HPSE2: variants seen among roughly 807,000 people sequenced by gnomAD.
HPSE2 encodes inactive heparanase-2.
HPSE2 carries 38 observed loss-of-function variants against 60.5 expected under a neutral mutation model. The ratio of observed to expected loss-of-function variants is 0.63; its 90% CI spans 0.48 to 0.82. The LOEUF is 0.82. Ranked by LOEUF, HPSE2 falls within the 40% of genes least tolerant of loss-of-function variation. The probability of loss-of-function intolerance (pLI) is 0.00; values close to 1 mark genes in which losing one functional copy is unlikely to be tolerated. For synonymous variants in HPSE2, 295 were observed against 293.2 expected (o/e 1.01, Z -0.06); for missense variants, 713 against 740.4 (o/e 0.96, Z 0.43).
intron 3 of HPSE2, among the ~76,000 whole-genome samples, chr10:99,018,281 T>C (rs1243872682): frequency 3.3e-5 from 5 of 152,232 alleles, no homozygotes; most frequent in Non-Finnish European, 7.3e-5. Flanking sequence ...AATCTAGACT[T>C]ACTAGGCCTA....
At chr10:99,230,526 G>A (rs1280206104) in intron 2 of HPSE2, among the ~76,000 whole-genome samples, 1 of 151,870 alleles carries the variant, frequency 6.6e-6, no homozygotes, top group Non-Finnish European at 1.5e-5. Context: ...GATCTTTTCC[G>A]TTTATGTTTT....
intron 3 of HPSE2, among the ~76,000 whole-genome samples, chr10:99,081,344 AAT>A (rs753571140): frequency 3.3e-5 from 5 of 152,194 alleles, no homozygotes; most frequent in African/African-American, 4.8e-5. Flanking sequence ...TCTCCCATGT[AAT>A]GTTTCAATCA....
At chr10:99,061,974 G>A (rs1842458204) in intron 3 of HPSE2, among the ~76,000 whole-genome samples, 1 of 152,176 alleles carries the variant, frequency 6.6e-6, no homozygotes, top group Non-Finnish European at 1.5e-5. Flanking sequence ...GTGGTGGTGA[G>A]GAGAGCAGAG....
chr10:98,614,331 C>T (rs1278033760), intron 9 of HPSE2, among the ~76,000 whole-genome samples: 2 of 147,602 alleles, frequency 1.4e-5, no homozygotes, highest in East Asian at 2.0e-4. Context: ...CTCGCTCAGT[C>T]GCCCAGGCTG....
chr10:99,258,390 A>AATATATATATAT, the HPSE2 span, among the ~76,000 whole-genome samples: 13 of 147,666 alleles, frequency 8.8e-5, no homozygotes, highest in Non-Finnish European at 1.5e-4. Context: ...TAAATGGAGT[A>AATATATATATAT]ATATATATAT....
At chr10:98,865,808 G>A (rs542290464) in intron 3 of HPSE2, among the ~76,000 whole-genome samples, 14 of 152,034 alleles carry the variant, frequency 9.2e-5, no homozygotes, top group Non-Finnish European at 1.8e-4. Context: ...GGCATTAGAC[G>A]GAGTACTCAG....
At chr10:99,259,308 C>CA in the HPSE2 span, among the ~76,000 whole-genome samples, 66,625 of 134,064 alleles carry the variant, frequency 0.5, 18,867 homozygotes, top group Non-Finnish European at 0.64. Flanking sequence ...CCCCCCCCAC[C>CA]AAAAAAAAAA....
At chr10:98,476,859 G>T (rs1941044704) in intron 11 of HPSE2, among the ~76,000 whole-genome samples, 1 of 152,172 alleles carries the variant, frequency 6.6e-6, no homozygotes, top group African/African-American at 2.4e-5. Context: ...GTGTGAATTA[G>T]CCTGAAGGAG....
chr10:99,212,672 A>T (rs969964124), intron 2 of HPSE2, among the ~76,000 whole-genome samples: 2 of 152,168 alleles, frequency 1.3e-5, no homozygotes, highest in African/African-American at 4.8e-5. Flanking sequence ...TGCTCAAAGG[A>T]TATAAAATTT....
chr10:99,094,530 A>G (rs1843636078), intron 3 of HPSE2, among the ~76,000 whole-genome samples: 1 of 16,812 alleles, frequency 5.9e-5, no homozygotes, highest in African/African-American at 1.5e-4. Flanking sequence ...ATATATATAT[A>G]TATATATATA....
chr10:98,798,747 A>G (rs1476428215), intron 3 of HPSE2, among the ~76,000 whole-genome samples: 11 of 152,214 alleles, frequency 7.2e-5, no homozygotes, highest in Non-Finnish European at 1.5e-4. Context: ...ACAAAAATAT[A>G]AAATGAGCTA....
chr10:98,985,540 C>G (rs1448846309), intron 3 of HPSE2, among the ~76,000 whole-genome samples: 1 of 152,092 alleles, frequency 6.6e-6, no homozygotes, highest in Non-Finnish European at 1.5e-5. Flanking sequence ...CAAAAACATG[C>G]CAAATTGTAA....
Position 98,842,229 on chromosome 10 carries a change from CAGTATATGTTGA to C in HPSE2, c.611-98185_611-98174del, listed in dbSNP as rs935937196. Among the ~76,000 whole-genome samples, 75 of 152,268 alleles carry C rather than the reference CAGTATATGTTGA, an allele frequency of 4.9e-4. 1 individual carries two copies. Among genetic ancestry groups the C allele is most frequent in the African/African-American group, 1.7e-3 (71 of 41,552 alleles). On this transcript the variant is annotated intron_variant, in intron 3 of 11. Coordinates refer to ENST00000370552, the MANE Select transcript of HPSE2 (RefSeq NM_021828.5). ...TTATGAGCCAGATAAGGAGATACAG[CAGTATATGTTGA>C]AGTATATGTAGAACATCAGTGGTCT...
intron 11 of HPSE2, among the ~76,000 whole-genome samples, chr10:98,475,007 G>C (rs1401788882): frequency 6.6e-6 from 1 of 152,058 alleles, no homozygotes; most frequent in African/African-American, 2.4e-5. Flanking sequence ...GCAATAGAAA[G>C]ATCAAGGGAC....
At chr10:98,723,997 C>A (rs543059965) in intron 4 of HPSE2, among the ~76,000 whole-genome samples, 1 of 151,970 alleles carries the variant, frequency 6.6e-6, no homozygotes, top group Non-Finnish European at 1.5e-5. Context: ...TATTTCTTGC[C>A]TTTTGCTAGC....
chr10:99,299,706 T>C, the HPSE2 span, among the ~76,000 whole-genome samples: 4 of 152,152 alleles, frequency 2.6e-5, no homozygotes, highest in African/African-American at 9.7e-5. Flanking sequence ...AAATCATATG[T>C]TAACTTGTTT....
At chr10:98,790,626 ATAGAT>A (rs1235718489) in intron 3 of HPSE2, among the ~76,000 whole-genome samples, 2 of 152,166 alleles carry the variant, frequency 1.3e-5, no homozygotes, top group Admixed American at 6.5e-5. Context: ...CGCTAAAAGA[ATAGAT>A]TAATGTTCTC....
intron 10 of HPSE2, among the ~76,000 whole-genome samples, chr10:98,486,860 T>C (rs975173577): frequency 1.3e-5 from 2 of 152,232 alleles, no homozygotes; most frequent in African/African-American, 4.8e-5. Flanking sequence ...CTGTGTATTT[T>C]AAGGGAAATT....
At chr10:99,184,522 CAAAAAAAAA>C (rs200059066) in intron 2 of HPSE2, among the ~76,000 whole-genome samples, 1 of 60,766 alleles carries the variant, frequency 1.6e-5, no homozygotes, top group Non-Finnish European at 2.6e-5. Flanking sequence ...GAGACTGTCT[CAAAAAAAAA>C]AAAAAAAAAA....
Sources: allele counts gnomAD v4.1 joint callset (sites outside exome capture counted in the v4.1 genomes callset), GRCh38; gene constraint gnomAD v4.1.1; transcripts MANE v1.5; gene names NCBI Gene and HGNC (gene_info 2026-07-23, HGNC 2026-07-21).